Variants in PCBP3 observed in about 807,000 individuals in gnomAD.
PCBP3 encodes the protein poly(rC)-binding protein 3.
PCBP3 carries 25 observed loss-of-function variants against 52.7 expected under a neutral mutation model. The observed-to-expected ratio is 0.47, with a 90% CI of 0.35 to 0.66. PCBP3 has a LOEUF of 0.66. Ranked by LOEUF, PCBP3 falls within the 30% of genes least tolerant of loss-of-function variation. The pLI, the probability that PCBP3 is intolerant of heterozygous loss-of-function variation, is 0.01. For synonymous variants in PCBP3, 162 were observed against 183.0 expected (o/e 0.89, Z 0.93); for missense variants, 391 against 490.3 (o/e 0.80, Z 1.91).
chr21:45,880,542 G>A lies in PCBP3; in HGVS notation c.11-15666G>A, dbSNP rs998115303. 6.6e-6 allele frequency among the ~76,000 whole-genome samples: 1 copy of A among 152,216 alleles called. No individual in the cohort carries two copies. Among genetic ancestry groups the A allele is most frequent in the East Asian group, 1.9e-4 (1 of 5,188 alleles). On this transcript the variant is annotated intron_variant, in intron 5 of 17. Coordinates refer to ENST00000681687, the MANE Select transcript of PCBP3 (RefSeq NM_001384156.1). This position sits in a 1 kb window ranked among gnomAD's most constrained non-coding sequence, Gnocchi z 5.4. ...CCACGAGGCCGTGGAAATTGAGCTG[G>A]GCTCAGTGCTCATGGTGTGAATCTG...
At chr21:45,793,301 A>T (rs1442190306) in intron 4 of PCBP3, among the ~76,000 whole-genome samples, 1 of 152,152 alleles carries the variant, frequency 6.6e-6, no homozygotes, top group East Asian at 1.9e-4. Context: ...TTGAGAACGC[A>T]GACCCAGAAC....
Position 45,691,355 on chromosome 21 carries a change from G to A in PCBP3, c.-200+22403G>A, listed in dbSNP as rs368867530. On this transcript the variant is annotated intron_variant, in intron 2 of 17. Coordinates refer to ENST00000681687, the MANE Select transcript of PCBP3 (RefSeq NM_001384156.1). ...AAGGGGTACCAGAGCCTTTTGGGGTGATGTTCTATATCTTGTTTGTGGGGG... is the reference window on the plus strand; with the variant it reads ...AAGGGGTACCAGAGCCTTTTGGGGTAATGTTCTATATCTTGTTTGTGGGGG... Among the ~76,000 whole-genome samples, 65 of 147,290 alleles carry A rather than the reference G, an allele frequency of 4.4e-4. 1 individual carries two copies. In the South Asian group the frequency reaches 0.014, roughly 31 times the overall value.
intron 2 of PCBP3, among the ~76,000 whole-genome samples, chr21:45,675,177 G>T (rs1222182938): frequency 6.6e-6 from 1 of 152,152 alleles, no homozygotes; most frequent in Non-Finnish European, 1.5e-5. Flanking sequence ...TCTTCCTTCT[G>T]TCATTTCCAA....
intron 2 of PCBP3, among the ~76,000 whole-genome samples, chr21:45,682,260 T>C (rs1401476020): frequency 6.6e-6 from 1 of 152,216 alleles, no homozygotes; most frequent in Non-Finnish European, 1.5e-5. Flanking sequence ...TTCACTATCA[T>C]GTCATTCCTT....
chr21:45,828,102 A>G (rs1354860799), intron 4 of PCBP3: 1 of 152,184 alleles, frequency 6.6e-6, no homozygotes, highest in African/African-American at 2.4e-5. Context: ...ACAGACAACC[A>G]CCCGCAGGAC....
chr21:45,659,453 G>A (rs1003377855), intron 1 of PCBP3, among the ~76,000 whole-genome samples: 2 of 145,504 alleles, frequency 1.4e-5, no homozygotes, highest in African/African-American at 2.5e-5. Context: ...GAGCTCAAAC[G>A]ATCTTCCCAC....
At chr21:45,892,471 G>C (rs769348859) in intron 5 of PCBP3, among the ~76,000 whole-genome samples, 1 of 11,358 alleles carries the variant, frequency 8.8e-5, no homozygotes, top group Non-Finnish European at 1.6e-4. Context: ...GACGGGGCGT[G>C]GGGGGGGGGG....
At chr21:45,648,400 G>C (rs2079460806) in intron 1 of PCBP3, among the ~76,000 whole-genome samples, 1 of 152,148 alleles carries the variant, frequency 6.6e-6, no homozygotes, top group Non-Finnish European at 1.5e-5. Context: ...TCACCTCCTA[G>C]GTAAGACTGG....
At chr21:45,916,281 ACACAT>A (rs1379739808) in intron 12 of PCBP3, 1 of 152,294 alleles carries the variant, frequency 6.6e-6, no homozygotes, top group East Asian at 1.9e-4. Flanking sequence ...ACCTTCGGTG[ACACAT>A]GGGAACGTGC....
intron 17 of PCBP3, 36 bp from the exon 18 acceptor site, chr21:45,941,634 G>C: frequency 6.3e-7 from 1 of 1,594,434 alleles, no homozygotes; most frequent in East Asian, 2.3e-5. Flanking sequence ...CGTTGGTTGT[G>C]ACCGTCTCTC....
intron 13 of PCBP3, among the ~76,000 whole-genome samples, chr21:45,925,564 A>C (rs59605057): frequency 0.057 from 8,619 of 152,210 alleles, 599 homozygotes; most frequent in African/African-American, 0.16. Flanking sequence ...ACAAGCAAAA[A>C]ATAATTTTTT....
Position 45,829,026 on chromosome 21 carries a change from G to C in PCBP3, c.-125-20935G>C, listed in dbSNP as rs1263501421. 1 of 152,316 alleles carries C rather than the reference G, an allele frequency of 6.6e-6. No homozygotes were observed. The highest frequency in any genetic ancestry group is 2.4e-5 in the African/African-American group (1 of 41,460). 9.4% of individuals were successfully genotyped at this position (152,316 alleles called of 1,614,324 possible). The stretch of plus-strand genomic sequence containing the variant: ...ATTTCACAGGTCGAACTTACCAGGT[G>C]AAGCTGGATTACTTCCCGGCCTCCT... On this transcript the variant is annotated intron_variant, in intron 4 of 17. Coordinates refer to ENST00000681687, the MANE Select transcript of PCBP3 (RefSeq NM_001384156.1). This position sits in a 1 kb window ranked among gnomAD's most constrained non-coding sequence, Gnocchi z 5.2.
chr21:45,900,524 C>T, intron 7 of PCBP3, 67 bp from the exon 8 acceptor site: 1 of 1,319,368 alleles, frequency 7.6e-7, no homozygotes. Flanking sequence ...TCCCCACCCA[C>T]CATGGGCCGC....
intron 17 of PCBP3, 100 bp from the exon 18 acceptor site, chr21:45,941,570 C>T: frequency 9.2e-7 from 1 of 1,084,914 alleles, no homozygotes; most frequent in Non-Finnish European, 1.4e-6. Flanking sequence ...ATGGCCTGTC[C>T]CAGCGAGCAC....
Position 45,910,927 on chromosome 21 carries a change from C to G in PCBP3, c.497C>G (p.Ala166Gly). 1 of 1,610,176 alleles carries G rather than the reference C, an allele frequency of 6.2e-7. No homozygotes were observed. The highest frequency in any genetic ancestry group is 8.5e-7 in the Non-Finnish European group (1 of 1,179,214). ...TCCACAGGTGCCCAGGTGCAGGTGG[C>G]TGGGGACATGCTGCCCAACTCCACG... ...RESTGAQVQV[A>G]GDMLPNSTER... is the part of the protein sequence containing the mutation. Residue 166 changes from alanine (A) to glycine (G), a missense_variant, in exon 11 of 18, where the codon GCT (alanine) becomes GGT (glycine). By Grantham distance (60) the Ala-to-Gly change is moderately conservative. Transcript: ENST00000681687.
chr21:45,683,786 C>T (rs950731251), intron 2 of PCBP3, among the ~76,000 whole-genome samples: 2 of 151,816 alleles, frequency 1.3e-5, no homozygotes, highest in Non-Finnish European at 2.9e-5. Flanking sequence ...ATGATCCCGG[C>T]GTGGTAGCAG....
At chr21:45,647,887 A>G (rs1044126207) in intron 1 of PCBP3, among the ~76,000 whole-genome samples, 1 of 152,192 alleles carries the variant, frequency 6.6e-6, no homozygotes, top group Non-Finnish European at 1.5e-5. Context: ...CTGATTTTAA[A>G]ATAGGGAGAT....
At chr21:45,647,572 G>A (rs1412051042) in intron 1 of PCBP3, among the ~76,000 whole-genome samples, 1 of 152,160 alleles carries the variant, frequency 6.6e-6, no homozygotes, top group Non-Finnish European at 1.5e-5. Flanking sequence ...AATTGGGCAT[G>A]GATTGGGTAT....
At chr21:45,727,370 G>C (rs2085126181) in intron 2 of PCBP3, among the ~76,000 whole-genome samples, 1 of 152,180 alleles carries the variant, frequency 6.6e-6, no homozygotes, top group Admixed American at 6.5e-5. Flanking sequence ...TCTGGGATTT[G>C]TTTTAATACA....
Sources: gnomAD v4.1 joint callset for allele counts (sites outside exome capture counted in the v4.1 genomes callset) on GRCh38, gnomAD v4.1.1 for gene constraint, Gnocchi (gnomAD v3.1) non-coding constraint, MANE v1.5 for transcripts, NCBI Gene and HGNC (gene_info 2026-07-23, HGNC 2026-07-21) for gene names.